PLPP7: variants seen among roughly 807,000 people sequenced by gnomAD.
PLPP7 encodes inactive phospholipid phosphatase 7.
Under a neutral mutation model 16.9 loss-of-function variants are expected in PLPP7, and 11 were observed. The ratio of observed to expected loss-of-function variants is 0.65; its 90% CI spans 0.41 to 1.08. PLPP7 has a LOEUF of 1.08. Ranked by LOEUF, PLPP7 falls within the 50% of genes least tolerant of loss-of-function variation. PLPP7 has a pLI of 0.00. For synonymous variants in PLPP7, 174 were observed against 175.1 expected (o/e 0.99, Z 0.05); for missense variants, 358 against 397.1 (o/e 0.90, Z 0.84).
chr9:131,304,938 G>A (rs1835837774), intron 1 of PLPP7, among the ~76,000 whole-genome samples: 1 of 152,244 alleles, frequency 6.6e-6, no homozygotes, highest in Non-Finnish European at 1.5e-5. Context: ...GCAGGTCCCT[G>A]AGGTGGTGAG....
intron 1 of PLPP7, among the ~76,000 whole-genome samples, chr9:131,306,399 AG>A (rs1194147165): frequency 6.6e-6 from 1 of 151,824 alleles, no homozygotes; most frequent in Non-Finnish European, 1.5e-5. Flanking sequence ...AAAATTAGCC[AG>A]GCGAGGCAGC....
intron 1 of PLPP7, among the ~76,000 whole-genome samples, chr9:131,305,693 C>T (rs559417942): frequency 3.9e-5 from 6 of 152,212 alleles, no homozygotes; most frequent in African/African-American, 1.4e-4. Flanking sequence ...TGGGGTTTTG[C>T]CATGTTGCCC....
intron 1 of PLPP7, chr9:131,291,148 A>T (rs935172757): frequency 7.3e-7 from 1 of 1,366,446 alleles, no homozygotes; most frequent in East Asian, 4.5e-5. Context: ...CGTGGGGCCC[A>T]TGTGGAGGCA....
rs550374139 is a variant in PLPP7 at position 131,307,914 on chromosome 9, C to A, written c.452-9C>A. On this transcript the variant is annotated splice_polypyrimidine_tract_variant and intron_variant, in intron 1 of 1. Transcript: ENST00000372264. ...TGATGGCCCAGGGGCCTCTGTCTCCCCCCAACAGCCCTGCTCCTGGACATC... is the reference window on the plus strand; with the variant it reads ...TGATGGCCCAGGGGCCTCTGTCTCCACCCAACAGCCCTGCTCCTGGACATC... 1.0e-4 allele frequency: 159 copies of A among 1,568,834 alleles called. 1 individual carries two copies. The highest frequency in any genetic ancestry group is 4.3e-4 in the East Asian group (19 of 44,384).
rs551020660 is a variant in PLPP7, at chr9:131,289,959, C to T, written c.-39C>T. ...TCTTCGGGGAGAAGGCCCTTGGAGCCGGGCTGGCATCGGCCTTCTCGGGGT... is the reference window on the plus strand; with the variant it reads ...TCTTCGGGGAGAAGGCCCTTGGAGCTGGGCTGGCATCGGCCTTCTCGGGGT... On this transcript the variant is annotated 5_prime_UTR_variant, in exon 1 of 2. Coordinates refer to ENST00000372264, the MANE Select transcript of PLPP7 (RefSeq NM_032728.4). 59 of 1,380,836 alleles carry T rather than the reference C, an allele frequency of 4.3e-5. 1 individual carries two copies. Among genetic ancestry groups the T allele is most frequent in the Middle Eastern group, 3.9e-4 (2 of 5,138 alleles). The allele number at this position is 1,380,836 out of a possible 1,614,324, so 85.5% of individuals were successfully genotyped here.
Position 131,307,955 on chromosome 9 carries a change from G to A in PLPP7, c.484G>A (p.Val162Met), listed in dbSNP as rs149484753. The A allele has an allele frequency of 2.8e-5, 44 of 1,596,846 alleles. No homozygotes were observed. The highest frequency in any genetic ancestry group is 3.4e-5 in the Non-Finnish European group (40 of 1,177,968). Residue 162 changes from valine to methionine, a missense_variant, in exon 2 of 2, where the codon GTG becomes ATG. By Grantham distance (21) the Val-to-Met change is conservative (BLOSUM62 1). Coordinates refer to ENST00000372264, the MANE Select transcript of PLPP7 (RefSeq NM_032728.4). Reference protein sequence around the residue: ...LLLDIMTVAGVQKLIKRRGPY... With the variant: ...LLLDIMTVAGMQKLIKRRGPY... ...CCTGGACATCATGACGGTGGCCGGC[G>A]TGCAGAAGCTCATCAAGCGGCGCGG...
At position 131,308,428 on chromosome 9, in the gene PLPP7, C is replaced by G. The variant is rs2131222874; in HGVS notation, c.*141C>G. ...CCCCCACCTCATCTTCCCCTCCTGG[C>G]TGGAGGCTGGCGAACCCAGGCCACC... On this transcript the variant is annotated 3_prime_UTR_variant, in exon 2 of 2. Coordinates refer to ENST00000372264, the MANE Select transcript of PLPP7 (RefSeq NM_032728.4). The G allele has an allele frequency of 7.3e-7, 1 of 1,364,756 alleles. No homozygotes were observed. Among genetic ancestry groups the G allele is most frequent in the Non-Finnish European group, 9.7e-7 (1 of 1,035,696 alleles). The allele number at this position is 1,364,756 out of a possible 1,614,324, so 84.5% of individuals were successfully genotyped here.
Position 131,308,449 on chromosome 9 carries a change from C to A in PLPP7, c.*162C>A. 8.5e-7 allele frequency: 1 copy of A among 1,178,010 alleles called. No individual in the cohort carries two copies. Among genetic ancestry groups the A allele is most frequent in the Non-Finnish European group, 1.2e-6 (1 of 865,834 alleles). The allele number at this position is 1,178,010 out of a possible 1,614,324, so 73.0% of individuals were successfully genotyped here. A position where few individuals can be genotyped will look rare whatever the true frequency, so the allele number is the denominator to read the frequency against. The stretch of plus-strand genomic sequence containing the variant: ...CTGGCTGGAGGCTGGCGAACCCAGG[C>A]CACCCCTCCCGGAGACAAGCGTGTT... On this transcript the variant is annotated 3_prime_UTR_variant, in exon 2 of 2. Transcript: ENST00000372264.
chr9:131,300,544 T>C (rs1222753422), intron 1 of PLPP7, among the ~76,000 whole-genome samples: 3 of 151,952 alleles, frequency 2.0e-5, no homozygotes, highest in Non-Finnish European at 4.4e-5. Flanking sequence ...AATTAGCCAG[T>C]TGTGGCCTGT....
At chr9:131,303,654 G>A (rs982568919) in intron 1 of PLPP7, among the ~76,000 whole-genome samples, 18 of 152,090 alleles carry the variant, frequency 1.2e-4, no homozygotes, top group Admixed American at 1.2e-3. Context: ...GGCGTTTGGG[G>A]GACCAACTCA....
chr9:131,307,277 C>T (rs1835863915), intron 1 of PLPP7, among the ~76,000 whole-genome samples: 1 of 147,784 alleles, frequency 6.8e-6, no homozygotes, highest in Admixed American at 6.7e-5. Flanking sequence ...AAGGGCCGGG[C>T]GCAGTGGCTC....
chr9:131,302,957 C>CG (rs1370111997), intron 1 of PLPP7, among the ~76,000 whole-genome samples: 7 of 152,148 alleles, frequency 4.6e-5, no homozygotes, highest in African/African-American at 1.7e-4. Context: ...GCAAGGGGAT[C>CG]GGGGGTATGT....
At position 131,308,405 on chromosome 9, in the gene PLPP7, C is replaced by T. The variant is rs1835881040; in HGVS notation, c.*118C>T. 3.5e-6 allele frequency: 5 copies of T among 1,409,734 alleles called. No homozygotes were observed. Among genetic ancestry groups the T allele is most frequent in the Non-Finnish European group, 4.7e-6 (5 of 1,074,954 alleles). The allele number at this position is 1,409,734 out of a possible 1,614,324, so 87.3% of individuals were successfully genotyped here. ...GCGGCCAGGAGTCAGAGCGGCCACC[C>T]CCACCTCATCTTCCCCTCCTGGCTG... On this transcript the variant is annotated 3_prime_UTR_variant, in exon 2 of 2. Transcript: ENST00000372264.
At chr9:131,305,600 T>C (rs561597109) in intron 1 of PLPP7, among the ~76,000 whole-genome samples, 17 of 152,120 alleles carry the variant, frequency 1.1e-4, no homozygotes, top group African/African-American at 3.9e-4. Flanking sequence ...AGGGTCTCAC[T>C]CTGTCACCTT....
chr9:131,294,715 G>C (rs1364186025), intron 1 of PLPP7, among the ~76,000 whole-genome samples: 1 of 151,998 alleles, frequency 6.6e-6, no homozygotes, highest in South Asian at 2.1e-4. Flanking sequence ...CTGTTGCCCT[G>C]GCTGGAGTGC....
rs1835885740 is a variant in PLPP7 at position 131,308,706 on chromosome 9, GC to G, written c.*421del. 5.3e-6 allele frequency: 1 copy of G among 187,714 alleles called. No individual in the cohort carries two copies. Among genetic ancestry groups the G allele is most frequent in the Non-Finnish European group, 1.1e-5 (1 of 90,256 alleles). 11.6% of individuals were successfully genotyped at this position (187,714 alleles called of 1,614,324 possible). On this transcript the variant is annotated 3_prime_UTR_variant, in exon 2 of 2. Coordinates refer to ENST00000372264, the MANE Select transcript of PLPP7 (RefSeq NM_032728.4). ...CCTGCCAAAATGCCCCCAACCTACTGCCTGATGCAGGTGCCATTGCCATTAG... is the reference window on the plus strand; with the variant it reads ...CCTGCCAAAATGCCCCCAACCTACTGCTGATGCAGGTGCCATTGCCATTAG...
chr9:131,306,980 C>T (rs538567334), intron 1 of PLPP7, among the ~76,000 whole-genome samples: 11 of 152,144 alleles, frequency 7.2e-5, no homozygotes, highest in South Asian at 2.1e-4. Flanking sequence ...CAGTGGCTCA[C>T]GCCTGTAATG....
At position 131,307,995 on chromosome 9, in the gene PLPP7, G is replaced by A. The variant is rs1345450231; in HGVS notation, c.524G>A (p.Ser175Asn). The A allele has an allele frequency of 1.2e-6, 2 of 1,600,436 alleles. No homozygotes were observed. Among genetic ancestry groups the A allele is most frequent in the Non-Finnish European group, 8.5e-7 (1 of 1,179,726 alleles). The change falls in exon 2 of 2, where the codon AGC (serine) becomes AAC (asparagine). Residue 175 changes from serine (S) to asparagine (N), a missense_variant. Coordinates refer to ENST00000372264, the MANE Select transcript of PLPP7 (RefSeq NM_032728.4). ...LIKRRGPYET[S>N]PSLLDYLTMD... ...AAGCGGCGCGGCCCGTACGAGACGA[G>A]CCCCAGCCTCCTGGACTACCTCACC...
At chr9:131,293,449 C>G (rs537729552) in intron 1 of PLPP7, among the ~76,000 whole-genome samples, 10 of 152,322 alleles carry the variant, frequency 6.6e-5, no homozygotes, top group Non-Finnish European at 1.3e-4. Context: ...GATGCCAGCC[C>G]AGACCTCGGC....
Sources: gnomAD v4.1 joint callset for allele counts (sites outside exome capture counted in the v4.1 genomes callset) on GRCh38, gnomAD v4.1.1 for gene constraint, MANE v1.5 for transcripts, NCBI Gene and HGNC (gene_info 2026-07-23, HGNC 2026-07-21) for gene names.